Variants in CD99 observed in about 807,000 individuals in gnomAD.
CD99 encodes the protein CD99 antigen.
CD99 carries 19 observed loss-of-function variants against 28.4 expected under a neutral mutation model. That is an observed-to-expected ratio of 0.67 (90% confidence interval 0.47 to 0.98). The LOEUF is 0.98. CD99 is among the 50% of genes least tolerant of loss of function. CD99 has a pLI of 0.00. For synonymous variants in CD99, 103 were observed against 92.1 expected, an observed-to-expected ratio of 1.12 and a Z score of -0.67; for missense variants, 283 against 248.8, an observed-to-expected ratio of 1.14 and a Z score of -0.92.
chrX:2,738,034 G>C (rs1250618583), intron 8 of CD99, 166 bp from the exon 9 acceptor site: 1 of 748,870 alleles, frequency 1.3e-6, no homozygotes, highest in Non-Finnish European at 2.5e-6. Context: ...ACTTACATGA[G>C]TGTTAGACTC....
intron 5 of CD99, among the ~76,000 whole-genome samples, chrX:2,721,137 GT>G (rs886284113): frequency 6.6e-4 from 94 of 143,072 alleles, no homozygotes; most frequent in East Asian, 3.4e-3. Context: ...AATAGCACCA[GT>G]TTTTTTTTTT....
intron 9 of CD99, among the ~76,000 whole-genome samples, chrX:2,739,920 TAAAAAAA>T (rs760923352): frequency 3.6e-5 from 4 of 110,112 alleles, no homozygotes; most frequent in East Asian, 2.7e-4. Flanking sequence ...TACTAAAAAT[TAAAAAAA>T]AAAAAAAAAA....
intron 8 of CD99, among the ~76,000 whole-genome samples, chrX:2,732,263 C>G (rs2049656358): frequency 6.6e-6 from 1 of 152,074 alleles, no homozygotes; most frequent in African/African-American, 2.4e-5. Context: ...GCTCAGACCA[C>G]TAACCACACG....
intron 1 of CD99, among the ~76,000 whole-genome samples, chrX:2,703,271 T>C (rs2124493713): frequency 6.6e-6 from 1 of 152,310 alleles, no homozygotes; most frequent in East Asian, 1.9e-4. Flanking sequence ...AAGTCGGTGC[T>C]GACATGCTAC....
At chrX:2,709,697 A>AACATAGACACACATGCATGT (rs2048303887) in intron 1 of CD99, among the ~76,000 whole-genome samples, 11 of 151,812 alleles carry the variant, frequency 7.2e-5, no homozygotes, top group South Asian at 6.2e-4. Context: ...CACATGCATG[A>AACATAGACACACATGCATGT]ACATAGACAC....
intron 1 of CD99, among the ~76,000 whole-genome samples, chrX:2,701,523 C>G (rs1044505508): frequency 2.0e-5 from 3 of 152,166 alleles, no homozygotes; most frequent in Admixed American, 2.0e-4. Flanking sequence ...CAGGAGGGGC[C>G]CTCCCTGGAC....
chrX:2,710,962 C>G (rs2048372743), intron 1 of CD99, among the ~76,000 whole-genome samples: 1 of 148,638 alleles, frequency 6.7e-6, no homozygotes, highest in African/African-American at 2.5e-5. Context: ...CCTCTACTTC[C>G]CGGATTCAAG....
At chrX:2,717,116 G>C (rs1344092649) in intron 2 of CD99, among the ~76,000 whole-genome samples, 1 of 152,136 alleles carries the variant, frequency 6.6e-6, no homozygotes, top group Non-Finnish European at 1.5e-5. Context: ...GGAGGACGAG[G>C]TGGGTGGATC....
At chrX:2,722,723 C>G (rs780022997) in intron 6 of CD99, 49 bp downstream of exon 6, 17 of 1,538,012 alleles carry the variant, frequency 1.1e-5, no homozygotes, top group Admixed American at 1.7e-5. Context: ...TCCCATGATG[C>G]CCACCTGCTC....
chrX:2,711,932 C>T (rs769388101), intron 1 of CD99, among the ~76,000 whole-genome samples: 4 of 152,246 alleles, frequency 2.6e-5, no homozygotes, highest in Admixed American at 1.3e-4. Flanking sequence ...GTCCCAGCTA[C>T]TCAGGAGGCT....
intron 2 of CD99, chrX:2,717,347 CAAA>C (rs111805240): frequency 6.6e-3 from 2,267 of 343,306 alleles, no homozygotes; most frequent in South Asian, 0.012. Flanking sequence ...GACTTGGTCT[CAAA>C]AAAAAAAAAA....
At chrX:2,739,955 C>T (rs1056342399) in intron 9 of CD99, among the ~76,000 whole-genome samples, 24 of 149,380 alleles carry the variant, frequency 1.6e-4, no homozygotes, top group African/African-American at 3.7e-4. Context: ...AGCCAGGCAT[C>T]GTGGCGCATG....
At chrX:2,718,552 G>C (rs2048849031) in intron 3 of CD99, among the ~76,000 whole-genome samples, 1 of 151,804 alleles carries the variant, frequency 6.6e-6, no homozygotes, top group Non-Finnish European at 1.5e-5. Flanking sequence ...TGTATTTTTA[G>C]TAGAGACGGG....
chrX:2,706,435 G>A (rs969095087), intron 1 of CD99, among the ~76,000 whole-genome samples: 3 of 152,336 alleles, frequency 2.0e-5, no homozygotes, highest in African/African-American at 7.2e-5. Context: ...CAAGTAAAGA[G>A]CACACACGTG....
At chrX:2,729,822 A>C (rs2049497668) in intron 8 of CD99, among the ~76,000 whole-genome samples, 1 of 152,092 alleles carries the variant, frequency 6.6e-6, no homozygotes, top group South Asian at 2.1e-4. Flanking sequence ...GAAAGCTCTC[A>C]CTGGGTAGAA....
chrX:2,731,953 C>T (rs2049630888), intron 8 of CD99, among the ~76,000 whole-genome samples: 1 of 145,174 alleles, frequency 6.9e-6, no homozygotes, highest in Admixed American at 6.9e-5. Context: ...AGCAAGACCT[C>T]GTGTCTACAA....
At chrX:2,716,400 G>C (rs1416415732) in intron 2 of CD99, among the ~76,000 whole-genome samples, 1 of 152,054 alleles carries the variant, frequency 6.6e-6, no homozygotes, top group Non-Finnish European at 1.5e-5. Flanking sequence ...GCAGTGTTGG[G>C]ATCTTGGCTC....
At chrX:2,737,767 A>T (rs2050018514) in intron 8 of CD99, 1 of 334,918 alleles carries the variant, frequency 3.0e-6, no homozygotes, top group Admixed American at 4.0e-5. Context: ...AAGTGCTGGG[A>T]TTACAGGCGT....
chrX:2,735,942 C>A (rs1359673600), intron 8 of CD99, among the ~76,000 whole-genome samples: 1 of 151,944 alleles, frequency 6.6e-6, no homozygotes, highest in Non-Finnish European at 1.5e-5. Context: ...GTGGTTCACA[C>A]CTGTAATCCC....
Sources: allele counts gnomAD v4.1 joint callset (sites outside exome capture counted in the v4.1 genomes callset), GRCh38; gene constraint gnomAD v4.1.1; transcripts MANE v1.5; gene names NCBI Gene and HGNC (gene_info 2026-07-23, HGNC 2026-07-21).